The following ATP8A1 variants were observed in gnomAD, a reference collection of about 807,000 sequenced individuals.
ATP8A1 encodes phospholipid-transporting ATPase IA.
Under a neutral mutation model 177.7 loss-of-function variants are expected in ATP8A1, and 90 were observed. That is an observed-to-expected ratio of 0.51 (90% CI 0.43 to 0.60). The LOEUF (loss-of-function observed/expected upper bound fraction) is 0.60, where lower values mean the gene tolerates loss of function less well. Among genes scored for constraint, ATP8A1 ranks in the 20% least tolerant of loss-of-function variants. The pLI is 0.00. For missense variants in ATP8A1, 1,072 were observed against 1,392.8 expected (o/e 0.77, Z 3.67); for synonymous variants, 493 against 485.9 (o/e 1.01, Z -0.19).
At position 42,412,905 on chromosome 4, in the gene ATP8A1, G is replaced by T; in HGVS notation, c.*11C>A. ...GAGAGGTAACAGAGCCTGCCTTTCAGGCTCTCCCCATCACCATTCGTCGGG... is the reference window on the plus strand; with the variant it reads ...GAGAGGTAACAGAGCCTGCCTTTCATGCTCTCCCCATCACCATTCGTCGGG... On this transcript the variant is annotated 3_prime_UTR_variant, in exon 37 of 37. Transcript: ENST00000381668. 6.2e-7 allele frequency: 1 copy of T among 1,612,202 alleles called. No homozygotes were observed. The highest frequency in any genetic ancestry group is 8.5e-7 in the Non-Finnish European group (1 of 1,178,550).
chr4:42,490,471 A>C, intron 24 of ATP8A1, among the ~76,000 whole-genome samples: 1 of 152,062 alleles, frequency 6.6e-6, no homozygotes, highest in Admixed American at 6.5e-5. Context: ...TTCTCTCCTC[A>C]AGAGTCCAAA....
intron 35 of ATP8A1, among the ~76,000 whole-genome samples, 159 bp downstream of exon 35, chr4:42,422,648 G>C (rs543493791): frequency 1.4e-3 from 208 of 152,270 alleles, no homozygotes; most frequent in Non-Finnish European, 2.6e-3. Context: ...AGTTTAGAAA[G>C]CGACAGATTT....
intron 27 of ATP8A1, among the ~76,000 whole-genome samples, chr4:42,461,430 A>G (rs1350562228): frequency 6.6e-6 from 1 of 151,970 alleles, no homozygotes; most frequent in Non-Finnish European, 1.5e-5. Flanking sequence ...GTGATAGTGA[A>G]TAAGTCTCAA....
At chr4:42,453,322 A>G (rs1322133836) in intron 29 of ATP8A1, among the ~76,000 whole-genome samples, 1 of 152,224 alleles carries the variant, frequency 6.6e-6, no homozygotes, top group Non-Finnish European at 1.5e-5. Context: ...CTGAATTTTC[A>G]AACACTTATA....
chr4:42,549,039 T>C lies in ATP8A1; in HGVS notation c.1626A>G (p.Glu542=). The change falls in exon 19 of 37, where the codon GAA becomes GAG. Residue 542 remains glutamate, a synonymous_variant. Transcript: ENST00000381668. ...TGGTAAACTCCAAGACATTGAGCAA[T>C]TCATATCTTTCTTCCTGCCCCAGCT... The part of the protein sequence containing the change: ...IDSLGQEERY[E]LLNVLEFTSA... The C allele has an allele frequency of 1.2e-6, 2 of 1,612,360 alleles. No individual in the cohort carries two copies. The highest frequency in any genetic ancestry group is 1.1e-5 in the South Asian group (1 of 90,816).
intron 24 of ATP8A1, among the ~76,000 whole-genome samples, chr4:42,494,872 A>G (rs1445321182): frequency 6.6e-6 from 1 of 152,206 alleles, no homozygotes; most frequent in Non-Finnish European, 1.5e-5. Context: ...TTTTGCTGAC[A>G]TGTTCTTCAG....
intron 20 of ATP8A1, among the ~76,000 whole-genome samples, chr4:42,526,561 C>T (rs188878012): frequency 5.9e-5 from 9 of 152,222 alleles, no homozygotes; most frequent in Non-Finnish European, 1.0e-4. Context: ...TAGCCTCTCC[C>T]GTGCTGGATG....
intron 20 of ATP8A1, among the ~76,000 whole-genome samples, chr4:42,527,306 A>C (rs1470450522): frequency 2.6e-5 from 4 of 152,194 alleles, no homozygotes; most frequent in Non-Finnish European, 4.4e-5. Flanking sequence ...TGTTAAAGGG[A>C]GGACATTGAT....
In ATP8A1 at chr4:42,410,464, C is replaced by G. The variant is rs530204480; in HGVS notation, c.*2452G>C. The G allele has an allele frequency of 6.6e-6, 1 of 152,208 alleles. No individual in the cohort carries two copies. The highest frequency in any genetic ancestry group is 1.5e-5 in the Non-Finnish European group (1 of 67,998). 9.4% of individuals were successfully genotyped at this position (152,208 alleles called of 1,614,324 possible). ...TTTCAATCCTGGTAAAACCATGTGA[C>G]TTTTTTCCAGTTAAGGAAGGTTTAA... On this transcript the variant is annotated 3_prime_UTR_variant, in exon 37 of 37. Transcript: ENST00000381668.
intron 25 of ATP8A1, among the ~76,000 whole-genome samples, chr4:42,476,906 C>T (rs901187886): frequency 2.0e-5 from 3 of 152,174 alleles, no homozygotes; most frequent in Admixed American, 6.5e-5. Flanking sequence ...ATCCCTTTCC[C>T]TTCTTCAGCG....
At chr4:42,487,887 G>A (rs1183096765) in intron 24 of ATP8A1, among the ~76,000 whole-genome samples, 1 of 152,132 alleles carries the variant, frequency 6.6e-6, no homozygotes, top group Non-Finnish European at 1.5e-5. Flanking sequence ...ATTACACACA[G>A]TGACACAAAG....
chr4:42,464,682 G>A lies in ATP8A1; in HGVS notation c.2619+8C>T, dbSNP rs756986730. Reference sequence around the variant, plus strand: ...ATGACAAGGATTTAAAATTTAACCTGCTATTACCTCGATAATATAGAGCAC... The same window carrying A: ...ATGACAAGGATTTAAAATTTAACCTACTATTACCTCGATAATATAGAGCAC... On this transcript the variant is annotated splice_region_variant and intron_variant, in intron 27 of 36. Transcript: ENST00000381668. 2.0e-6 allele frequency: 3 copies of A among 1,493,338 alleles called. No homozygotes were observed. Among genetic ancestry groups the A allele is most frequent in the African/African-American group, 1.4e-5 (1 of 71,526 alleles). The allele number at this position is 1,493,338 out of a possible 1,614,324, so 92.5% of individuals were successfully genotyped here.
rs533392351 is a variant in ATP8A1 at position 42,521,008 on chromosome 4, A to G, written c.1947+1152T>C. 1.1e-4 allele frequency among the ~76,000 whole-genome samples: 16 copies of G among 152,270 alleles called. No individual in the cohort carries two copies. The South Asian group carries it at 3.3e-3, about 32-fold the overall frequency. On this transcript the variant is annotated intron_variant, in intron 22 of 36. Transcript: ENST00000381668. Reference sequence around the variant, plus strand: ...TTACATAAAGGGAGGGGACGTGAGGAGCAGAGGGGGGAAATAGTCCAGGGA... The same window carrying G: ...TTACATAAAGGGAGGGGACGTGAGGGGCAGAGGGGGGAAATAGTCCAGGGA...
rs181549664 is a variant in ATP8A1, at chr4:42,503,076, T to A, written c.2151+374A>T. ...TTGTTCAATAGCTTTCACATTTTTTTAGAAGAGGTAAAATATATATGAATA... is the reference window on the plus strand; with the variant it reads ...TTGTTCAATAGCTTTCACATTTTTTAAGAAGAGGTAAAATATATATGAATA... On this transcript the variant is annotated intron_variant, in intron 24 of 36. Coordinates refer to ENST00000381668, the MANE Select transcript of ATP8A1 (RefSeq NM_006095.2). Among the ~76,000 whole-genome samples, 492 of 152,366 alleles carry A rather than the reference T, an allele frequency of 3.2e-3. 2 individuals are homozygous for A. Among genetic ancestry groups the A allele is most frequent in the Non-Finnish European group, 6.1e-3 (412 of 68,034 alleles).
chr4:42,482,066 G>T lies in ATP8A1; in HGVS notation c.2324+3430C>A, dbSNP rs1007044112. On this transcript the variant is annotated intron_variant, in intron 25 of 36. Transcript: ENST00000381668. Reference sequence around the variant, plus strand: ...GTCTGTAATCCCAGCACTTTGGGAGGCCGAGTGTGTGGACTGCCTGAACTC... The same window carrying T: ...GTCTGTAATCCCAGCACTTTGGGAGTCCGAGTGTGTGGACTGCCTGAACTC... 5.9e-5 allele frequency among the ~76,000 whole-genome samples: 9 copies of T among 152,270 alleles called. No individual in the cohort carries two copies. The East Asian group carries it at 1.5e-3, about 26-fold the overall frequency.
chr4:42,520,510 A>G (rs572225064), intron 22 of ATP8A1, among the ~76,000 whole-genome samples: 11 of 152,286 alleles, frequency 7.2e-5, no homozygotes, highest in South Asian at 2.1e-4. Context: ...TGCCCCAAAG[A>G]CATAATCATA....
intron 33 of ATP8A1, among the ~76,000 whole-genome samples, chr4:42,442,178 G>A (rs977453205): frequency 6.6e-6 from 1 of 152,104 alleles, no homozygotes; most frequent in Non-Finnish European, 1.5e-5. Context: ...AATCTTTTGT[G>A]TTATTCATTT....
intron 9 of ATP8A1, among the ~76,000 whole-genome samples, chr4:42,583,203 C>T (rs1231267671): frequency 6.6e-6 from 1 of 152,058 alleles, no homozygotes; most frequent in Non-Finnish European, 1.5e-5. Flanking sequence ...AAAATCAATC[C>T]CGATGCGTAG....
At chr4:42,530,270 C>T (rs905742677) in intron 20 of ATP8A1, among the ~76,000 whole-genome samples, 1 of 152,220 alleles carries the variant, frequency 6.6e-6, no homozygotes, top group Non-Finnish European at 1.5e-5. Flanking sequence ...TTGCCAGCCG[C>T]AGAGACCAGC....
Sources: allele counts gnomAD v4.1 joint callset (sites outside exome capture counted in the v4.1 genomes callset), GRCh38; gene constraint gnomAD v4.1.1; transcripts MANE v1.5; gene names NCBI Gene and HGNC (gene_info 2026-07-23, HGNC 2026-07-21).